Variants in ITGA4 observed in about 807,000 individuals in gnomAD.
The protein encoded by ITGA4 is integrin subunit alpha 4, also known as integrin alpha-4.
In ITGA4, 63 loss-of-function variants were observed where a neutral mutation model predicts 133.6. The observed-to-expected ratio is 0.47, with a 90% CI of 0.38 to 0.58. The LOEUF (loss-of-function observed/expected upper bound fraction) is 0.58. Among genes scored for constraint, ITGA4 ranks in the 20% least tolerant of loss-of-function variants. The probability of loss-of-function intolerance (pLI) is 0.00; values close to 1 mark genes in which losing one functional copy is unlikely to be tolerated. For missense variants in ITGA4, 1,076 were observed against 1,252.7 expected (o/e 0.86, Z 2.13); for synonymous variants, 483 against 438.0 (o/e 1.10, Z -1.28).
At chr2:181,471,663 T>C (rs180991407) in intron 2 of ITGA4, among the ~76,000 whole-genome samples, 32 of 152,276 alleles carry the variant, frequency 2.1e-4, no homozygotes, top group Admixed American at 1.7e-3. Flanking sequence ...AGATATGAGA[T>C]TACATCTAGT....
intron 21 of ITGA4, among the ~76,000 whole-genome samples, chr2:181,526,848 T>TTTTTTTTTTTTTTTTTG (rs1686841460): frequency 8.5e-6 from 1 of 117,090 alleles, no homozygotes; most frequent in Admixed American, 9.6e-5. Context: ...TTTTTTTTTT[T>TTTTTTTTTTTTTTTTTG]TTTTTAAGAG....
At chr2:181,479,869 A>G (rs1023528005) in intron 5 of ITGA4, among the ~76,000 whole-genome samples, 6 of 152,044 alleles carry the variant, frequency 3.9e-5, no homozygotes, top group South Asian at 2.1e-4. Context: ...TCTAGCGTTC[A>G]GTACTTGTCC....
chr2:181,474,334 T>C (rs1183550389), intron 2 of ITGA4, among the ~76,000 whole-genome samples: 1 of 152,242 alleles, frequency 6.6e-6, no homozygotes. Context: ...GTTTTTTGTT[T>C]ACTACTGAGA....
At chr2:181,504,210 G>A (rs555007642) in intron 15 of ITGA4, among the ~76,000 whole-genome samples, 5 of 152,178 alleles carry the variant, frequency 3.3e-5, no homozygotes, top group African/African-American at 1.2e-4. Context: ...AGTGAATTCA[G>A]TGGCCTTCGC....
intron 10 of ITGA4, chr2:181,486,209 CTTA>C (rs1280685384): frequency 2.1e-6 from 1 of 468,996 alleles, no homozygotes; most frequent in African/African-American, 2.1e-5. Flanking sequence ...TTCAAAATAC[CTTA>C]TTTCAGTGAT....
At chr2:181,489,574 T>C (rs750573653) in intron 10 of ITGA4, among the ~76,000 whole-genome samples, 1 of 152,218 alleles carries the variant, frequency 6.6e-6, no homozygotes, top group Non-Finnish European at 1.5e-5. Flanking sequence ...CATAACAAGT[T>C]CTACAATTGT....
Position 181,525,189 on chromosome 2 carries a change from T to C in ITGA4, c.2250-13T>C. The C allele has an allele frequency of 1.4e-5, 21 of 1,518,120 alleles. No individual in the cohort carries two copies. Among genetic ancestry groups the C allele is most frequent in the Non-Finnish European group, 1.9e-5 (21 of 1,093,898 alleles). The allele number at this position is 1,518,120 out of a possible 1,614,324, so 94.0% of individuals were successfully genotyped here. The stretch of plus-strand genomic sequence containing the variant: ...CTTGGTGAATTCTAACAGGGTGTTT[T>C]CTGTTTGTATAGTGAAAATGAAGAG... On this transcript the variant is annotated splice_polypyrimidine_tract_variant and intron_variant, in intron 20 of 27. Transcript: ENST00000397033.
At position 181,522,372 on chromosome 2, in the gene ITGA4, C is replaced by G. The variant is rs753056116; in HGVS notation, c.2073+31C>G. ...TACTGTAAACCACAATAGCATGATACTACTTGGTATTTTACTTAATTTTTT... is the reference window on the plus strand; with the variant it reads ...TACTGTAAACCACAATAGCATGATAGTACTTGGTATTTTACTTAATTTTTT... On this transcript the variant is annotated intron_variant, in intron 18 of 27. Transcript: ENST00000397033. 3 of 1,465,544 alleles carry G rather than the reference C, an allele frequency of 2.0e-6. No homozygotes were observed. In the Admixed American group the frequency reaches 6.1e-5, roughly 30 times the overall value. 90.8% of individuals were successfully genotyped at this position (1,465,544 alleles called of 1,614,324 possible).
rs1160680480 is a variant in ITGA4 at position 181,537,755 on chromosome 2, A to T, written c.*2228A>T. On this transcript the variant is annotated 3_prime_UTR_variant, in exon 28 of 28. Coordinates refer to ENST00000397033, the MANE Select transcript of ITGA4 (RefSeq NM_000885.6). ...AACACATTGTAAAAAAAAGAATTTGAATTGATATCTAAAAACAGAATTTGA... is the reference window on the plus strand; with the variant it reads ...AACACATTGTAAAAAAAAGAATTTGTATTGATATCTAAAAACAGAATTTGA... The T allele has an allele frequency of 1.1e-5, 5 of 446,670 alleles. No individual in the cohort carries two copies. Among genetic ancestry groups the T allele is most frequent in the African/African-American group, 1.0e-4 (5 of 49,548 alleles). The allele number at this position is 446,670 out of a possible 1,614,324, so 27.7% of individuals were successfully genotyped here.
intron 4 of ITGA4, among the ~76,000 whole-genome samples, chr2:181,476,523 T>C (rs1685681207): frequency 6.6e-6 from 1 of 152,230 alleles, no homozygotes; most frequent in Non-Finnish European, 1.5e-5. Flanking sequence ...AGTTTACTTA[T>C]ATCATTTTTT....
chr2:181,530,283 G>C (rs1686918531), intron 23 of ITGA4, among the ~76,000 whole-genome samples: 1 of 152,208 alleles, frequency 6.6e-6, no homozygotes. Flanking sequence ...ATTTCTGCAA[G>C]GTTAAGGCCA....
At position 181,478,470 on chromosome 2, in the gene ITGA4, A is replaced by C. The variant is rs113071858; in HGVS notation, c.557-287A>C. On this transcript the variant is annotated intron_variant, in intron 4 of 27. Transcript: ENST00000397033. ...ACAGTAAAAAGAAAGCATGGGCTCA[A>C]AATCACAAATCCTACCTCTGTCTTA... Among the ~76,000 whole-genome samples, 688 of 152,206 alleles carry C rather than the reference A, an allele frequency of 4.5e-3. 3 individuals are homozygous for C. The highest frequency in any genetic ancestry group is 0.023 in the South Asian group (111 of 4,828).
In ITGA4 at chr2:181,475,164, T is replaced by C. The variant is rs1282263864; in HGVS notation, c.432T>C (p.Cys144=). The stretch of plus-strand genomic sequence containing the variant: ...TCTACTTTTATTTTATTCAGACTTG[T>C]GGGCATAGATGGAAAAATATATTTT... ...QPGENGSIVT[C]GHRWKNIFYI... Residue 144 remains cysteine (C), a synonymous_variant, in exon 4 of 28, where the codon TGT becomes TGC. Transcript: ENST00000397033. 2.5e-6 allele frequency: 4 copies of C among 1,613,578 alleles called. No individual in the cohort carries two copies. The East Asian group carries it at 8.9e-5, about 36-fold the overall frequency.
chr2:181,491,118 C>G (rs1466494667), intron 10 of ITGA4, among the ~76,000 whole-genome samples: 1 of 152,050 alleles, frequency 6.6e-6, no homozygotes, highest in African/African-American at 2.4e-5. Context: ...TTGAATATAC[C>G]CAAGTGTCCT....
intron 22 of ITGA4, 59 bp from the exon 23 acceptor site, chr2:181,529,482 T>A (rs1432589331): frequency 1.2e-6 from 1 of 823,846 alleles, no homozygotes; most frequent in South Asian, 1.5e-5. Context: ...CTCACTGATA[T>A]CTGTACTTAC....
intron 2 of ITGA4, among the ~76,000 whole-genome samples, chr2:181,474,603 G>GATAAA: frequency 6.6e-6 from 1 of 152,240 alleles, no homozygotes; most frequent in Non-Finnish European, 1.5e-5. Flanking sequence ...TATTGCTTAC[G>GATAAA]TTGTTAGATA....
chr2:181,476,007 C>A (rs1383130374), intron 4 of ITGA4: 16 of 1,112,302 alleles, frequency 1.4e-5, no homozygotes, highest in African/African-American at 3.2e-5. Context: ...AATCCCTCAG[C>A]ACGCAAAGAA....
chr2:181,500,968 A>T (rs952084983), intron 15 of ITGA4, among the ~76,000 whole-genome samples: 2 of 152,194 alleles, frequency 1.3e-5, no homozygotes, highest in Non-Finnish European at 1.5e-5. Context: ...GCAGTGCTGC[A>T]GAAGGAGTGA....
At chr2:181,512,124 G>A (rs555762105) in intron 17 of ITGA4, among the ~76,000 whole-genome samples, 44 of 152,154 alleles carry the variant, frequency 2.9e-4, no homozygotes, top group Non-Finnish European at 3.7e-4. Flanking sequence ...TTTTATAATG[G>A]CAAATAAACC....
Sources: allele counts gnomAD v4.1 joint callset (sites outside exome capture counted in the v4.1 genomes callset), GRCh38; gene constraint gnomAD v4.1.1; transcripts MANE v1.5; gene names NCBI Gene and HGNC (gene_info 2026-07-23, HGNC 2026-07-21).